Variants in SLC49A4 observed in about 807,000 individuals in gnomAD.
SLC49A4 encodes solute carrier family 49 member 4, also known as disrupted in renal cancer protein 2.
SLC49A4 carries 36 observed loss-of-function variants against 50.6 expected under a neutral mutation model. The observed-to-expected ratio is 0.71, with a 90% CI of 0.55 to 0.94. The LOEUF is 0.94. Among genes scored for constraint, SLC49A4 ranks in the 40% least tolerant of loss-of-function variants. The pLI is 0.00. For missense variants in SLC49A4, 503 were observed against 605.7 expected (o/e 0.83, Z 1.78); for synonymous variants, 248 against 241.2 (o/e 1.03, Z -0.26).
chr3:122,865,452 C>T (rs142132309), intron 7 of SLC49A4, among the ~76,000 whole-genome samples: 1 of 152,026 alleles, frequency 6.6e-6, no homozygotes, highest in Non-Finnish European at 1.5e-5. Context: ...GTTATGAAGG[C>T]CACAGCAGTC....
chr3:122,870,816 CAATAATAAT>C (rs199524636), intron 7 of SLC49A4, among the ~76,000 whole-genome samples: 2 of 147,392 alleles, frequency 1.4e-5, no homozygotes, highest in Non-Finnish European at 1.5e-5. Flanking sequence ...TCCATCTCAA[CAATAATAAT>C]AATAATAATA....
chr3:122,795,668 A>G, intron 1 of SLC49A4, 133 bp downstream of exon 1: 9 of 1,406,882 alleles, frequency 6.4e-6, no homozygotes, highest in African/African-American at 1.5e-5. Context: ...TGTTGCTAGC[A>G]TTCCATTTCT....
chr3:122,835,318 CA>C (rs1353734228), intron 4 of SLC49A4, among the ~76,000 whole-genome samples: 1 of 151,864 alleles, frequency 6.6e-6, no homozygotes, highest in Non-Finnish European at 1.5e-5. Flanking sequence ...AAAGACATAA[CA>C]AAAAAGAAAA....
At chr3:122,842,095 G>T (rs1181218436) in intron 4 of SLC49A4, among the ~76,000 whole-genome samples, 1 of 152,178 alleles carries the variant, frequency 6.6e-6, no homozygotes, top group Non-Finnish European at 1.5e-5. Context: ...AAGGTAGAGA[G>T]GTAGATTGGG....
At chr3:122,804,584 C>T (rs1936182927) in intron 1 of SLC49A4, among the ~76,000 whole-genome samples, 1 of 152,208 alleles carries the variant, frequency 6.6e-6, no homozygotes, top group South Asian at 2.1e-4. Flanking sequence ...GATTAAACAA[C>T]ACTTGGCAGC....
chr3:122,811,967 T>C (rs1368686451), intron 2 of SLC49A4, among the ~76,000 whole-genome samples: 1 of 151,558 alleles, frequency 6.6e-6, no homozygotes, highest in Non-Finnish European at 1.5e-5. Flanking sequence ...TATATTAGCT[T>C]TTTTTTTTCT....
intron 2 of SLC49A4, among the ~76,000 whole-genome samples, chr3:122,820,519 A>T (rs1055742534): frequency 5.9e-5 from 9 of 152,254 alleles, no homozygotes; most frequent in Non-Finnish European, 1.0e-4. Context: ...ATTAGAAAGC[A>T]AAAGGTTAGG....
chr3:122,798,379 T>G (rs151003658), intron 1 of SLC49A4, among the ~76,000 whole-genome samples: 4,890 of 152,288 alleles, frequency 0.032, 112 homozygotes, highest in Middle Eastern at 0.078. Context: ...AACTACCCAT[T>G]CACTTTATAA....
At chr3:122,859,986 T>A (rs1937037612) in intron 6 of SLC49A4, 89 bp from the exon 7 acceptor site, 7 of 1,126,712 alleles carry the variant, frequency 6.2e-6, no homozygotes, top group Non-Finnish European at 8.4e-6. Context: ...TATGGAAAAT[T>A]CCTCAAGTAG....
intron 5 of SLC49A4, among the ~76,000 whole-genome samples, chr3:122,853,217 C>T (rs1366093876): frequency 1.3e-5 from 2 of 152,136 alleles, no homozygotes; most frequent in African/African-American, 4.8e-5. Context: ...AAGGCAGCTC[C>T]CTTCAACCTC....
At chr3:122,877,111 G>A (rs773724807) in intron 8 of SLC49A4, among the ~76,000 whole-genome samples, 2 of 152,120 alleles carry the variant, frequency 1.3e-5, no homozygotes, top group Non-Finnish European at 2.9e-5. Context: ...GTCAGAAAGG[G>A]GATCAGAAAG....
intron 1 of SLC49A4, among the ~76,000 whole-genome samples, chr3:122,805,483 G>A (rs1190604266): frequency 7.2e-6 from 1 of 138,748 alleles, no homozygotes; most frequent in Non-Finnish European, 1.6e-5. Context: ...ATTTAACCAT[G>A]TACCCTCTGC....
intron 3 of SLC49A4, among the ~76,000 whole-genome samples, chr3:122,828,976 T>C (rs562300224): frequency 1.4e-4 from 22 of 152,190 alleles, no homozygotes; most frequent in Non-Finnish European, 2.8e-4. Context: ...TGCTCAAAGC[T>C]TCCCAGTTAC....
chr3:122,817,161 A>G (rs1328040509), intron 2 of SLC49A4, among the ~76,000 whole-genome samples: 1 of 152,224 alleles, frequency 6.6e-6, no homozygotes, highest in African/African-American at 2.4e-5. Context: ...CATGGGAAAG[A>G]TATTTTTTCC....
intron 6 of SLC49A4, among the ~76,000 whole-genome samples, chr3:122,857,597 T>C (rs1258453526): frequency 2.6e-5 from 4 of 152,132 alleles, no homozygotes; most frequent in East Asian, 1.9e-4. Context: ...AAAGAATAAA[T>C]TGACACTGTA....
intron 1 of SLC49A4, among the ~76,000 whole-genome samples, chr3:122,804,009 C>G (rs1936173432): frequency 6.6e-6 from 1 of 152,136 alleles, no homozygotes; most frequent in Non-Finnish European, 1.5e-5. Context: ...ATCTGTTAGG[C>G]AGTTCCTACA....
At chr3:122,796,290 T>A (rs754118645) in intron 1 of SLC49A4, among the ~76,000 whole-genome samples, 1 of 152,220 alleles carries the variant, frequency 6.6e-6, no homozygotes, top group East Asian at 1.9e-4. Context: ...CTCAAGAGGC[T>A]GTTGTGCAAG....
chr3:122,796,380 A>G (rs1396047257), intron 1 of SLC49A4, among the ~76,000 whole-genome samples: 1 of 152,212 alleles, frequency 6.6e-6, no homozygotes, highest in African/African-American at 2.4e-5. Flanking sequence ...TTTTGTTGCA[A>G]TGAGTTCTTT....
intron 2 of SLC49A4, among the ~76,000 whole-genome samples, chr3:122,825,536 C>T (rs577241598): frequency 3.5e-4 from 53 of 151,740 alleles, no homozygotes; most frequent in Non-Finnish European, 6.9e-4. Context: ...TTCCCACTCA[C>T]TTCTGTTTCT....
Sources: allele counts gnomAD v4.1 joint callset (sites outside exome capture counted in the v4.1 genomes callset), GRCh38; gene constraint gnomAD v4.1.1; transcripts MANE v1.5; gene names NCBI Gene and HGNC (gene_info 2026-07-23, HGNC 2026-07-21).